SERPINB10: variants seen among roughly 807,000 people sequenced by gnomAD.
SERPINB10 encodes serpin family B member 10, also known as serpin B10.
A neutral mutation model predicts 39.1 loss-of-function variants in SERPINB10; 35 were observed. The ratio of observed to expected loss-of-function variants is 0.90; its 90% CI spans 0.68 to 1.19. The LOEUF (loss-of-function observed/expected upper bound fraction) is 1.19, where lower values mean the gene tolerates loss of function less well. Among genes scored for constraint, SERPINB10 ranks in the 50% most tolerant of loss-of-function variants. The pLI is 0.00. For synonymous variants in SERPINB10, 190 were observed against 158.1 expected, an observed-to-expected ratio of 1.20 and a Z score of -1.52; for missense variants, 546 against 460.5, an observed-to-expected ratio of 1.19 and a Z score of -1.70.
rs144226428 is a variant in SERPINB10 at position 63,912,783 on chromosome 18, C to T, written c.-9-2719C>T. Among the ~76,000 whole-genome samples, 962 of 152,074 alleles carry T rather than the reference C, an allele frequency of 6.3e-3. 11 individuals are homozygous for T. Among genetic ancestry groups the T allele is most frequent in the Non-Finnish European group, 0.011 (772 of 67,934 alleles). ...TCCAGGTTTTGGTATCAGGATGATG[C>T]TGGCTTTGTAGAATGAGTTAGAGAG... On this transcript the variant is annotated intron_variant, in intron 1 of 7. Coordinates refer to ENST00000238508, the MANE Select transcript of SERPINB10 (RefSeq NM_005024.3).
chr18:63,918,217 C>A, intron 4 of SERPINB10, 115 bp downstream of exon 4: 4 of 1,071,138 alleles, frequency 3.7e-6, no homozygotes, highest in South Asian at 3.0e-5. Context: ...GTGGTCAGTA[C>A]TTCCCTGCAA....
intron 5 of SERPINB10, among the ~76,000 whole-genome samples, chr18:63,929,271 T>A (rs1475598280): frequency 1.3e-5 from 2 of 152,156 alleles, no homozygotes; most frequent in African/African-American, 4.8e-5. Context: ...TTTTCAAGAG[T>A]ATTTATTTTA....
chr18:63,910,293 A>AT (rs1222310407), intron 1 of SERPINB10, among the ~76,000 whole-genome samples: 4 of 152,072 alleles, frequency 2.6e-5, no homozygotes, highest in Admixed American at 6.6e-5. Context: ...GAATTATTTT[A>AT]TTTTTTAAAT....
chr18:63,934,217 C>CATGTGTATTTTTGTGTATAT (rs2050244693), intron 7 of SERPINB10, among the ~76,000 whole-genome samples: 1 of 151,796 alleles, frequency 6.6e-6, no homozygotes, highest in Non-Finnish European at 1.5e-5. Context: ...TTTGTGTATA[C>CATGTGTATTTTTGTGTATAT]ATATATACAT....
At chr18:63,925,799 T>C (rs1599087295) in intron 5 of SERPINB10, among the ~76,000 whole-genome samples, 1 of 151,938 alleles carries the variant, frequency 6.6e-6, no homozygotes, top group Non-Finnish European at 1.5e-5. Context: ...AAATGGATAC[T>C]AAAATTAGTG....
intron 5 of SERPINB10, among the ~76,000 whole-genome samples, chr18:63,920,529 A>G (rs4350667): frequency 0.26 from 39,524 of 151,912 alleles, 5,806 homozygotes; most frequent in African/African-American, 0.39. Context: ...CTCTAGGTGC[A>G]AGATGGTTCT....
At chr18:63,909,654 A>G (rs1003313616) in intron 1 of SERPINB10, among the ~76,000 whole-genome samples, 2 of 152,034 alleles carry the variant, frequency 1.3e-5, no homozygotes, top group African/African-American at 4.8e-5. Flanking sequence ...CTGAGGTAGA[A>G]AAACCCCAGC....
Position 63,935,118 on chromosome 18 carries a change from G to A in SERPINB10, c.1070G>A (p.Ser357Asn), listed in dbSNP as rs1201384351. 2 of 1,613,894 alleles carry A rather than the reference G, an allele frequency of 1.2e-6. No homozygotes were observed. The highest frequency in any genetic ancestry group is 1.7e-5 in the Admixed American group (1 of 60,034). The change falls in exon 8 of 8, where the codon AGT becomes AAT. Residue 357 changes from serine to asparagine, a missense_variant. By Grantham distance (46) the Ser-to-Asn change is conservative (BLOSUM62 1). Coordinates refer to ENST00000238508, the MANE Select transcript of SERPINB10 (RefSeq NM_005024.3). ...QGTEAAAGSG[S>N]EIDIRIRVPS... Reference sequence around the variant, plus strand: ...ACTGAAGCTGCAGCTGGCAGTGGGAGTGAGATAGATATACGAATTAGAGTC... The same window carrying A: ...ACTGAAGCTGCAGCTGGCAGTGGGAATGAGATAGATATACGAATTAGAGTC...
rs1461911026 is a variant in SERPINB10, at chr18:63,915,649, A to G, written c.139A>G (p.Lys47Glu). Residue 47 changes from lysine to glutamate, a missense_variant, in exon 2 of 8, where the codon AAA becomes GAA. Physicochemically the swap from Lys to Glu is moderately conservative, Grantham distance 56 (BLOSUM62 1). Transcript: ENST00000238508. ...TSLTIVYLGAKGTTAAQMAQV... is the reference protein window; with the variant it reads ...TSLTIVYLGAEGTTAAQMAQV... ...CTTGACCATAGTGTATTTGGGCGCC[A>G]AAGGTACCACTGCAGCCCAAATGGC... 1 of 1,611,954 alleles carries G rather than the reference A, an allele frequency of 6.2e-7. No individual in the cohort carries two copies. Among genetic ancestry groups the G allele is most frequent in the South Asian group, 1.1e-5 (1 of 90,966 alleles).
chr18:63,918,107 G>A lies in SERPINB10; in HGVS notation c.372+5G>A. On this transcript the variant is annotated splice_donor_5th_base_variant and intron_variant, in intron 4 of 7. Coordinates refer to ENST00000238508, the MANE Select transcript of SERPINB10 (RefSeq NM_005024.3). ...AAAACGTATGCATTTCACAATGTAA[G>A]TGCAAATGTCTTATTTTAAGCTAAT... 6.2e-7 allele frequency: 1 copy of A among 1,611,626 alleles called. No individual in the cohort carries two copies. The highest frequency in any genetic ancestry group is 8.5e-7 in the Non-Finnish European group (1 of 1,178,630).
chr18:63,909,145 C>T (rs950408550), intron 1 of SERPINB10, among the ~76,000 whole-genome samples: 9 of 152,040 alleles, frequency 5.9e-5, no homozygotes, highest in African/African-American at 1.4e-4. Flanking sequence ...TGACACTATC[C>T]TTTTCTTGCT....
intron 4 of SERPINB10, among the ~76,000 whole-genome samples, chr18:63,918,846 AAGT>A (rs2050124452): frequency 6.6e-6 from 1 of 151,978 alleles, no homozygotes; most frequent in African/African-American, 2.4e-5. Context: ...TTTGATGCAG[AAGT>A]AGGAGACATG....
At chr18:63,919,054 T>C (rs2144725874) in intron 4 of SERPINB10, among the ~76,000 whole-genome samples, 1 of 152,160 alleles carries the variant, frequency 6.6e-6, no homozygotes, top group Non-Finnish European at 1.5e-5. Context: ...CAGAATTAAC[T>C]CATCACTTTT....
chr18:63,929,771 A>G (rs2050208097), intron 5 of SERPINB10, among the ~76,000 whole-genome samples: 1 of 150,796 alleles, frequency 6.6e-6, no homozygotes, highest in African/African-American at 2.4e-5. Context: ...ATCAACTTAT[A>G]TTACAGGGAA....
At position 63,933,037 on chromosome 18, in the gene SERPINB10, GTTT is replaced by G; in HGVS notation, c.634-5_634-3del. On this transcript the variant is annotated splice_region_variant and splice_polypyrimidine_tract_variant and intron_variant, in intron 6 of 7. Coordinates refer to ENST00000238508, the MANE Select transcript of SERPINB10 (RefSeq NM_005024.3). Reference sequence around the variant, plus strand: ...TTGTTACCTGTTTTTTTGTTTTTTTGTTTTTTTTAGACTACAAGCAAACCAGTG... The same window carrying G: ...TTGTTACCTGTTTTTTTGTTTTTTTGTTTTTAGACTACAAGCAAACCAGTG... 1 of 1,594,016 alleles carries G rather than the reference GTTT, an allele frequency of 6.3e-7. No individual in the cohort carries two copies. Among genetic ancestry groups the G allele is most frequent in the Non-Finnish European group, 8.5e-7 (1 of 1,173,732 alleles).
intron 4 of SERPINB10, among the ~76,000 whole-genome samples, chr18:63,918,456 G>GAACACGA (rs1013697990): frequency 6.6e-6 from 1 of 151,938 alleles, no homozygotes; most frequent in African/African-American, 2.4e-5. Context: ...CAGACTTTGG[G>GAACACGA]AACATGAAAC....
rs189981358 is a variant in SERPINB10, at chr18:63,916,713, T to G, written c.169-743T>G. ...TTCATATAAATATATTGCTGGGTGTTGCTTGTCCTTGTTTCGGATGTTAAC... is the reference window on the plus strand; with the variant it reads ...TTCATATAAATATATTGCTGGGTGTGGCTTGTCCTTGTTTCGGATGTTAAC... On this transcript the variant is annotated intron_variant, in intron 2 of 7. Transcript: ENST00000238508. Among the ~76,000 whole-genome samples the G allele has an allele frequency of 1.6e-3, 239 of 152,220 alleles. 1 individual carries two copies. Among genetic ancestry groups the G allele is most frequent in the African/African-American group, 5.6e-3 (232 of 41,568 alleles).
chr18:63,920,016 C>G, intron 5 of SERPINB10, 111 bp downstream of exon 5: 1 of 569,300 alleles, frequency 1.8e-6, no homozygotes, highest in African/African-American at 2.0e-5. Context: ...AGTGTGGACA[C>G]ATTGTAAATA....
rs764710386 is a variant in SERPINB10, at chr18:63,919,826, A to G, written c.411A>G (p.Glu137=). 8.7e-6 allele frequency: 14 copies of G among 1,609,270 alleles called. No individual in the cohort carries two copies. The highest frequency in any genetic ancestry group is 1.2e-5 in the Non-Finnish European group (14 of 1,177,694). The part of the protein sequence containing the change: ...LEDMKTYFGA[E]PQPVNFVEAS... ...ACATGAAAACATATTTTGGTGCAGA[A>G]CCTCAGCCTGTTAACTTTGTGGAAG... Residue 137 remains glutamate, a synonymous_variant, in exon 5 of 8, where the codon GAA becomes GAG. Transcript: ENST00000238508.
Sources: allele counts gnomAD v4.1 joint callset (sites outside exome capture counted in the v4.1 genomes callset), GRCh38; gene constraint gnomAD v4.1.1; transcripts MANE v1.5; gene names NCBI Gene and HGNC (gene_info 2026-07-23, HGNC 2026-07-21).